Variants in SLC29A4 observed in about 807,000 individuals in gnomAD.
SLC29A4 encodes equilibrative nucleoside transporter 4.
Under a neutral mutation model 43.9 loss-of-function variants are expected in SLC29A4, and 36 were observed. The observed-to-expected ratio is 0.82, with a 90% CI of 0.63 to 1.08. The LOEUF (loss-of-function observed/expected upper bound fraction) is 1.08. SLC29A4 is among the 50% of genes least tolerant of loss of function. The pLI is 0.00. For missense variants in SLC29A4, 869 were observed against 755.3 expected, an observed-to-expected ratio of 1.15 and a Z score of -1.77; for synonymous variants, 491 against 338.0, an observed-to-expected ratio of 1.45 and a Z score of -4.97.
rs1257921068 is a variant in SLC29A4, at chr7:5,287,373, G to A, written c.-8-436G>A. 2.0e-5 allele frequency among the ~76,000 whole-genome samples: 3 copies of A among 150,542 alleles called. No homozygotes were observed. In the East Asian group the frequency reaches 5.8e-4, roughly 29 times the overall value. Reference sequence around the variant, plus strand: ...GTCGTGGCTGAAATGAGTGATGGTTGCACCACCATACTCCAACCTGGGTGA... The same window carrying A: ...GTCGTGGCTGAAATGAGTGATGGTTACACCACCATACTCCAACCTGGGTGA... On this transcript the variant is annotated intron_variant, in intron 1 of 10. Transcript: ENST00000396872.
chr7:5,302,044 A>G (rs1252881641), intron 10 of SLC29A4, among the ~76,000 whole-genome samples: 1 of 152,082 alleles, frequency 6.6e-6, no homozygotes, highest in Admixed American at 6.5e-5. Flanking sequence ...TCTGCCTCGC[A>G]GGTTCAAGCA....
At chr7:5,302,758 G>A (rs558205850) in intron 10 of SLC29A4, 39 bp from the exon 11 acceptor site, 413 of 1,530,554 alleles carry the variant, frequency 2.7e-4, no homozygotes, top group Non-Finnish European at 3.2e-4. Context: ...CCAGGTGGCC[G>A]CCCTGGCCCT....
chr7:5,290,502 C>G lies in SLC29A4; in HGVS notation c.170-230C>G, dbSNP rs144466663. ...GTGAGCTGGTTTCCTGTCCATCAAG[C>G]TGGCAGCTGCAGTGGCTGTGAGGGC... On this transcript the variant is annotated intron_variant, in intron 2 of 10. Transcript: ENST00000396872. Among the ~76,000 whole-genome samples, 313 of 152,306 alleles carry G rather than the reference C, an allele frequency of 2.1e-3. 5 individuals carry two copies. The highest frequency in any genetic ancestry group is 7.1e-3 in the African/African-American group (294 of 41,568).
At chr7:5,294,209 G>A (rs1241626520) in intron 5 of SLC29A4, among the ~76,000 whole-genome samples, 1 of 152,114 alleles carries the variant, frequency 6.6e-6, no homozygotes, top group African/African-American at 2.4e-5. Flanking sequence ...TCAAAGCACT[G>A]GGATTACAGG....
chr7:5,293,877 C>T (rs1583662620), intron 5 of SLC29A4, among the ~76,000 whole-genome samples: 2 of 152,080 alleles, frequency 1.3e-5, no homozygotes, highest in Non-Finnish European at 1.5e-5. Context: ...GAGGCTGAGG[C>T]GGACAGATCA....
intron 2 of SLC29A4, among the ~76,000 whole-genome samples, chr7:5,289,860 C>T (rs541599300): frequency 6.6e-6 from 1 of 152,046 alleles, no homozygotes; most frequent in East Asian, 1.9e-4. Flanking sequence ...AAAGGGTGTT[C>T]ACTCTTCTCC....
intron 1 of SLC29A4, among the ~76,000 whole-genome samples, chr7:5,285,100 C>T (rs912077564): frequency 9.2e-5 from 14 of 152,192 alleles, no homozygotes; most frequent in South Asian, 2.1e-4. Flanking sequence ...AGAAGGGCCC[C>T]GGGGTCTCTA....
chr7:5,289,708 C>T (rs1026046877), intron 2 of SLC29A4, among the ~76,000 whole-genome samples: 22 of 152,142 alleles, frequency 1.4e-4, no homozygotes, highest in Middle Eastern at 3.4e-3. Context: ...CCCCCCCTTG[C>T]CGGTGTGGCT....
Position 5,294,918 on chromosome 7 carries a change from G to T in SLC29A4, c.603G>T (p.Gly201=), listed in dbSNP as rs371521818. The change falls in exon 6 of 11, where the codon GGG becomes GGT. Residue 201 remains glycine, a synonymous_variant. Coordinates refer to ENST00000396872, the MANE Select transcript of SLC29A4 (RefSeq NM_153247.4). The part of the protein sequence containing the change: ...TGMLPKRYTQ[G]VMTGESTAGV... ...TGCTGCCCAAGCGGTACACGCAGGG[G>T]GTGATGACCGGGGAGAGTGAGTATC... is the stretch of plus-strand genomic sequence containing the variant. 84 of 1,608,954 alleles carry T rather than the reference G, an allele frequency of 5.2e-5. 3 individuals are homozygous for T. Among genetic ancestry groups the T allele is most frequent in the Admixed American group, 3.7e-4 (22 of 59,500 alleles).
chr7:5,297,667 G>A (rs1200612230), intron 7 of SLC29A4, among the ~76,000 whole-genome samples: 5 of 152,186 alleles, frequency 3.3e-5, no homozygotes, highest in African/African-American at 9.7e-5. Context: ...GAGTCGGGAC[G>A]CCAGGAGGGA....
chr7:5,306,656 C>T lies in SLC29A4; in HGVS notation c.*3717C>T, dbSNP rs1049025895. 1 of 152,164 alleles carries T rather than the reference C, an allele frequency of 6.6e-6. No homozygotes were observed. The highest frequency in any genetic ancestry group is 2.4e-5 in the African/African-American group (1 of 41,432). The allele number at this position is 152,164 out of a possible 1,614,324, so 9.4% of individuals were successfully genotyped here. ...GCCGATGAGCTCATTTAGATGGCTG[C>T]ATGGGGTCACCGCCCCTGCACGCGT... On this transcript the variant is annotated 3_prime_UTR_variant, in exon 11 of 11. Transcript: ENST00000396872.
chr7:5,300,980 C>G (rs1355699134), intron 10 of SLC29A4, among the ~76,000 whole-genome samples: 1 of 152,150 alleles, frequency 6.6e-6, no homozygotes, highest in African/African-American at 2.4e-5. Flanking sequence ...CAGCCCAGGC[C>G]GGGCACAGTG....
At position 5,291,727 on chromosome 7, in the gene SLC29A4, CA is replaced by C. The variant is rs1562445596; in HGVS notation, c.451del (p.Ser151AlafsTer52). ...TAGCCTTGGGCCCTCTCCTTTTTAT[CA>C]GCATCTGCGACGTGTGGCTGCAGCT... The part of the protein sequence containing the change: ...LLALGPLLFI[S>X]ICDVWLQLFS... On this transcript the variant is annotated frameshift_variant, in exon 5 of 11. Transcript: ENST00000396872. LOFTEE classifies it high-confidence loss of function. 2 of 1,611,948 alleles carry C rather than the reference CA, an allele frequency of 1.2e-6. No homozygotes were observed. The highest frequency in any genetic ancestry group is 1.7e-6 in the Non-Finnish European group (2 of 1,179,796).
intron 10 of SLC29A4, among the ~76,000 whole-genome samples, chr7:5,301,121 G>T (rs114152362): frequency 2.6e-5 from 4 of 152,106 alleles, no homozygotes; most frequent in Non-Finnish European, 5.9e-5. Flanking sequence ...AAAATTAGCT[G>T]GGTATGGTAG....
intron 7 of SLC29A4, 141 bp downstream of exon 7, chr7:5,297,339 C>G (rs1361766050): frequency 1.4e-5 from 14 of 1,014,910 alleles, no homozygotes; most frequent in Non-Finnish European, 1.9e-5. Flanking sequence ...TCCTTCCTGC[C>G]AGCCTCCTTT....
chr7:5,292,690 C>CT (rs1056329272), intron 5 of SLC29A4, among the ~76,000 whole-genome samples: 9,987 of 66,886 alleles, frequency 0.15, 2,750 homozygotes, highest in East Asian at 0.37. Context: ...CATTTTTTTC[C>CT]TTTTTTTTTT....
rs1405563705 is a variant in SLC29A4, at chr7:5,299,031, A to G, written c.926A>G (p.Asp309Gly). 2 of 1,611,758 alleles carry G rather than the reference A, an allele frequency of 1.2e-6. No individual in the cohort carries two copies. The highest frequency in any genetic ancestry group is 2.7e-5 in the African/African-American group (2 of 74,898). ...PALAPNESPK[D>G]SPAHEVTGSG... is the part of the protein sequence containing the mutation. ...CTGGCCCCCAACGAGTCCCCAAAGG[A>G]CAGCCCAGCCCACGAGGTGACCGGC... Residue 309 changes from aspartate (D) to glycine (G), a missense_variant, in exon 8 of 11, where the codon GAC (aspartate) becomes GGC (glycine). Transcript: ENST00000396872.
At chr7:5,285,391 C>T (rs999167872) in intron 1 of SLC29A4, among the ~76,000 whole-genome samples, 3 of 152,196 alleles carry the variant, frequency 2.0e-5, no homozygotes, top group Non-Finnish European at 4.4e-5. Context: ...AGTCCGGGAC[C>T]GCCTCTCCCC....
In SLC29A4 at chr7:5,287,851, C is replaced by G; in HGVS notation, c.35C>G (p.Pro12Arg). The G allele has an allele frequency of 6.2e-7, 1 of 1,611,900 alleles. No individual in the cohort carries two copies. Among genetic ancestry groups the G allele is most frequent in the Admixed American group, 1.7e-5 (1 of 60,002 alleles). ...GTGGGGAGCCAGCGCCTTGAGGAGC[C>G]CAGCGTGGCAGGCACACCAGACCCG... ...GSVGSQRLEE[P>R]SVAGTPDPGV... Residue 12 changes from proline (P) to arginine (R), a missense_variant, in exon 2 of 11, where the codon CCC becomes CGC. Pro to Arg is a moderately radical substitution (Grantham distance 103). Transcript: ENST00000396872.
Sources: gnomAD v4.1 joint callset for allele counts (sites outside exome capture counted in the v4.1 genomes callset) on GRCh38, gnomAD v4.1.1 for gene constraint, MANE v1.5 for transcripts, NCBI Gene and HGNC (gene_info 2026-07-23, HGNC 2026-07-21) for gene names.